The following FHOD3 variants were observed in gnomAD, a reference collection of about 807,000 sequenced individuals.
FHOD3 encodes the protein FH1/FH2 domain-containing protein 3.
FHOD3 carries 90 observed loss-of-function variants against 173.0 expected under a neutral mutation model. The observed-to-expected ratio is 0.52, with a 90% CI of 0.44 to 0.62. The LOEUF (loss-of-function observed/expected upper bound fraction) is 0.62. FHOD3 is among the 20% of genes least tolerant of loss of function. The pLI is 0.00. For synonymous variants in FHOD3, 828 were observed against 823.0 expected (o/e 1.01, Z -0.10); for missense variants, 1,945 against 2,034.7 (o/e 0.96, Z 0.85).
chr18:36,588,173 G>T (rs1181169421), intron 6 of FHOD3, among the ~76,000 whole-genome samples: 1 of 152,206 alleles, frequency 6.6e-6, no homozygotes, highest in Non-Finnish European at 1.5e-5. Context: ...GGTCGGGAAG[G>T]TTGAGATTTG....
At chr18:36,456,134 C>T (rs745438142) in intron 3 of FHOD3, among the ~76,000 whole-genome samples, 5 of 152,232 alleles carry the variant, frequency 3.3e-5, no homozygotes, top group Non-Finnish European at 5.9e-5. Flanking sequence ...TTTTGTCCTG[C>T]GCACTGAACA....
chr18:36,560,167 G>A (rs563224458), intron 5 of FHOD3, among the ~76,000 whole-genome samples: 2 of 152,260 alleles, frequency 1.3e-5, no homozygotes, highest in Non-Finnish European at 1.5e-5. Flanking sequence ...GCCTAAGTTC[G>A]TCCTTTGACT....
At chr18:36,544,709 G>T (rs1259873491) in intron 5 of FHOD3, 1 of 152,490 alleles carries the variant, frequency 6.6e-6, no homozygotes, top group Non-Finnish European at 1.5e-5. Flanking sequence ...TGGACAAGCT[G>T]GGGCTTGGCT....
At chr18:36,602,534 G>A (rs1049382324) in intron 7 of FHOD3, 140 bp from the exon 8 acceptor site, 217 of 716,028 alleles carry the variant, frequency 3.0e-4, no homozygotes, top group Middle Eastern at 1.2e-3. Flanking sequence ...TCCATCCTAA[G>A]GATAATGTCA....
At chr18:36,385,645 G>A (rs984538803) in intron 3 of FHOD3, among the ~76,000 whole-genome samples, 10 of 152,146 alleles carry the variant, frequency 6.6e-5, no homozygotes, top group African/African-American at 2.4e-4. Flanking sequence ...CAGGTGATCC[G>A]CCTGCCTTGC....
At chr18:36,703,970 G>A (rs993521664) in intron 17 of FHOD3, among the ~76,000 whole-genome samples, 1 of 152,136 alleles carries the variant, frequency 6.6e-6, no homozygotes, top group African/African-American at 2.4e-5. Context: ...TCTTTGGGGT[G>A]AAGAATTCCT....
intron 5 of FHOD3, among the ~76,000 whole-genome samples, chr18:36,570,472 GATAAA>G (rs1568440222): frequency 1.3e-5 from 2 of 151,988 alleles, no homozygotes. Context: ...AACATTTAAA[GATAAA>G]ATAAAACCAA....
At chr18:36,531,954 T>A (rs1319609699) in intron 5 of FHOD3, among the ~76,000 whole-genome samples, 2 of 152,090 alleles carry the variant, frequency 1.3e-5, no homozygotes, top group Non-Finnish European at 2.9e-5. Context: ...TTTTGCCGAG[T>A]CTTGTACTTT....
At chr18:36,463,452 T>A (rs2052702290) in intron 3 of FHOD3, among the ~76,000 whole-genome samples, 1 of 148,328 alleles carries the variant, frequency 6.7e-6, no homozygotes, top group African/African-American at 2.4e-5. Flanking sequence ...TATTTTTTAT[T>A]TAAAAAATAT....
intron 6 of FHOD3, among the ~76,000 whole-genome samples, chr18:36,577,767 C>T (rs910592530): frequency 6.6e-6 from 1 of 152,252 alleles, no homozygotes; most frequent in Non-Finnish European, 1.5e-5. Flanking sequence ...GCCTTGGCTG[C>T]CAGGTCCCTG....
chr18:36,412,561 G>A (rs184664639), intron 3 of FHOD3, among the ~76,000 whole-genome samples: 3 of 152,286 alleles, frequency 2.0e-5, no homozygotes, highest in Admixed American at 1.3e-4. Flanking sequence ...TTTTCCCCAT[G>A]TAAAAGTAAA....
intron 1 of FHOD3, among the ~76,000 whole-genome samples, chr18:36,339,017 C>T (rs1374816608): frequency 6.6e-6 from 1 of 152,152 alleles, no homozygotes; most frequent in South Asian, 2.1e-4. Flanking sequence ...CTTCTGCTCT[C>T]CCCCTGCCCA....
intron 14 of FHOD3, among the ~76,000 whole-genome samples, chr18:36,673,607 G>T (rs2037669244): frequency 6.6e-6 from 1 of 152,156 alleles, no homozygotes; most frequent in South Asian, 2.1e-4. Context: ...CAAAGAAATG[G>T]CTGGAGACTA....
At chr18:36,587,590 G>A (rs1051165925) in intron 6 of FHOD3, among the ~76,000 whole-genome samples, 18 of 152,174 alleles carry the variant, frequency 1.2e-4, no homozygotes, top group Admixed American at 6.5e-4. Flanking sequence ...TCGGGAGTTT[G>A]AGACCAGCCT....
rs1199832153 is a variant in FHOD3, at chr18:36,717,898, A to G, written c.2600A>G (p.Lys867Arg). The change falls in exon 19 of 29, where the codon AAA (lysine) becomes AGA (arginine). Residue 867 changes from lysine (K) to arginine (R), a missense_variant. Around this residue, in one of 5 missense-constraint regions of FHOD3, gnomAD observed 1,099 missense variants for 1,051.2 expected, o/e 1.05. Transcript: ENST00000590592. ...NGQCGDILTN[K>R]RFMLDMLYAH... is the part of the protein sequence containing the mutation. ...CAGTGTGGCGACATCCTCACCAACA[A>G]ACGGTTCATGCTTGACATGCTGTAT... is the stretch of plus-strand genomic sequence containing the variant. 6.2e-7 allele frequency: 1 copy of G among 1,612,894 alleles called. No homozygotes were observed. The highest frequency in any genetic ancestry group is 8.5e-7 in the Non-Finnish European group (1 of 1,179,534).
intron 24 of FHOD3, among the ~76,000 whole-genome samples, chr18:36,752,328 A>G (rs1367258065): frequency 1.3e-5 from 2 of 152,200 alleles, no homozygotes; most frequent in African/African-American, 4.8e-5. Flanking sequence ...AGGGGGAGAG[A>G]CAGGCAGAAG....
chr18:36,537,708 A>G (rs2057052575), intron 5 of FHOD3, among the ~76,000 whole-genome samples: 1 of 152,204 alleles, frequency 6.6e-6, no homozygotes, highest in Non-Finnish European at 1.5e-5. Flanking sequence ...TGAAGCAAAA[A>G]CTGATAGAAC....
intron 14 of FHOD3, among the ~76,000 whole-genome samples, chr18:36,665,837 A>G (rs1184557699): frequency 6.6e-6 from 1 of 152,240 alleles, no homozygotes; most frequent in Non-Finnish European, 1.5e-5. Flanking sequence ...TGCTGGTGGC[A>G]GTCAGCGCTT....
At chr18:36,450,027 C>T (rs1004465300) in intron 3 of FHOD3, among the ~76,000 whole-genome samples, 6 of 152,034 alleles carry the variant, frequency 3.9e-5, no homozygotes, top group African/African-American at 9.7e-5. Context: ...ATCACTGGAG[C>T]GGTATACACT....
Sources: allele counts gnomAD v4.1 joint callset (sites outside exome capture counted in the v4.1 genomes callset), GRCh38; gene constraint gnomAD v4.1.1; regional missense constraint gnomAD v4.1.1; transcripts MANE v1.5; gene names NCBI Gene and HGNC (gene_info 2026-07-23, HGNC 2026-07-21).